Variants in ABI3BP observed in about 807,000 individuals in gnomAD.
ABI3BP encodes target of Nesh-SH3.
A neutral mutation model predicts 268.6 loss-of-function variants in ABI3BP; 216 were observed. That is an observed-to-expected ratio of 0.80 (90% CI 0.72 to 0.90). ABI3BP has a LOEUF of 0.90. ABI3BP is among the 40% of genes least tolerant of loss of function. ABI3BP has a pLI of 0.00. For missense variants in ABI3BP, 2,090 were observed against 2,182.4 expected, an observed-to-expected ratio of 0.96 and a Z score of 0.84; for synonymous variants, 730 against 730.0, an observed-to-expected ratio of 1.00 and a Z score of 0.00.
At position 100,749,198 on chromosome 3, in the gene ABI3BP, A is replaced by AATT. The variant is rs2095183824; in HGVS notation, c.*1294_*1296dup. The AATT allele has an allele frequency of 1.6e-5, 1 of 62,190 alleles. No individual in the cohort carries two copies. The highest frequency in any genetic ancestry group is 5.7e-5 in the African/African-American group (1 of 17,624). 3.9% of individuals were successfully genotyped at this position (62,190 alleles called of 1,614,324 possible). On this transcript the variant is annotated 3_prime_UTR_variant, in exon 68 of 68. Coordinates refer to ENST00000471714, the MANE Select transcript of ABI3BP (RefSeq NM_001375547.2). ...TTATTACTTCATAGGATGAAAGGTTAATTTAGGACATAAACAAACAGTAGA... is the reference window on the plus strand; with the variant it reads ...TTATTACTTCATAGGATGAAAGGTTAATTATTTAGGACATAAACAAACAGTAGA...
intron 14 of ABI3BP, among the ~76,000 whole-genome samples, chr3:100,857,326 CACCCCTTTATAT>C (rs2098951096): frequency 6.6e-6 from 1 of 152,178 alleles, no homozygotes; most frequent in Non-Finnish European, 1.5e-5. Context: ...GAAAACAAGG[CACCCCTTTATAT>C]ATTGTGCATT....
intron 1 of ABI3BP, among the ~76,000 whole-genome samples, chr3:100,965,344 A>C (rs963484644): frequency 1.3e-5 from 2 of 152,190 alleles, no homozygotes; most frequent in African/African-American, 2.4e-5. Flanking sequence ...ACCATTAAAC[A>C]TTCCAGTTTA....
chr3:100,954,090 C>T (rs16843057), intron 1 of ABI3BP, among the ~76,000 whole-genome samples: 9 of 152,010 alleles, frequency 5.9e-5, no homozygotes, highest in African/African-American at 1.7e-4. Flanking sequence ...ATTTCTGGTG[C>T]GCATCAGAAC....
rs371512723 is a variant in ABI3BP, at chr3:100,850,119, G to A, written c.1427C>T (p.Ala476Val). ...RTLEQPRATL[A>V]PSETPFVPQK... ...AGGAACAAATGGTGTTTCACTTGGAGCTGAAAGCACAAACACCCCAACCCA... is the reference window on the plus strand; with the variant it reads ...AGGAACAAATGGTGTTTCACTTGGAACTGAAAGCACAAACACCCCAACCCA... Residue 476 changes from alanine to valine, a missense_variant and splice_region_variant, in exon 17 of 68, where the codon GCT (alanine) becomes GTT (valine). Transcript: ENST00000471714. 3 of 1,605,174 alleles carry A rather than the reference G, an allele frequency of 1.9e-6. No homozygotes were observed. Among genetic ancestry groups the A allele is most frequent in the African/African-American group, 2.7e-5 (2 of 74,816 alleles).
At chr3:100,775,077 A>G in intron 60 of ABI3BP, 130 bp downstream of exon 60, 1 of 1,089,330 alleles carries the variant, frequency 9.2e-7, no homozygotes, top group East Asian at 2.6e-5. Context: ...AAAATTAAAA[A>G]CAACCATATT....
intron 20 of ABI3BP, among the ~76,000 whole-genome samples, chr3:100,845,685 G>A (rs1184253633): frequency 6.6e-6 from 1 of 152,072 alleles, no homozygotes; most frequent in Non-Finnish European, 1.5e-5. Flanking sequence ...AAGGTTCCCT[G>A]TAGTCAATCT....
Position 100,926,372 on chromosome 3 carries a change from A to C in ABI3BP, c.189T>G (p.Tyr63Ter). 6.2e-7 allele frequency: 1 copy of C among 1,613,564 alleles called. No homozygotes were observed. The highest frequency in any genetic ancestry group is 8.5e-7 in the Non-Finnish European group (1 of 1,179,636). The stretch of plus-strand genomic sequence containing the variant: ...ACTGGTTTGGTGATACATTGCTGCC[A>C]TATCCCAGGAGAAGACCTTCAAGCT... Reference protein sequence around the residue: ...NVKLEGLLLGYGSNVSPNQYF... With the variant: ...NVKLEGLLLG Residue 63 changes from tyrosine to a stop codon, truncating the protein, a stop_gained, in exon 2 of 68, where the codon TAT becomes TAG. Coordinates refer to ENST00000471714, the MANE Select transcript of ABI3BP (RefSeq NM_001375547.2). LOFTEE classifies it high-confidence loss of function.
intron 62 of ABI3BP, among the ~76,000 whole-genome samples, chr3:100,768,120 A>T (rs766482162): frequency 7.8e-6 from 1 of 128,802 alleles, no homozygotes; most frequent in African/African-American, 3.0e-5. Flanking sequence ...GGAGTCTCAC[A>T]CTCTGTCGCC....
At chr3:100,853,643 G>A (rs1267409190) in intron 14 of ABI3BP, among the ~76,000 whole-genome samples, 3 of 152,126 alleles carry the variant, frequency 2.0e-5, no homozygotes, top group Non-Finnish European at 4.4e-5. Context: ...AGTTCCAAAA[G>A]ATGATATTTA....
intron 62 of ABI3BP, among the ~76,000 whole-genome samples, chr3:100,767,691 A>T (rs1215745103): frequency 6.6e-6 from 1 of 152,108 alleles, no homozygotes; most frequent in African/African-American, 2.4e-5. Flanking sequence ...CATCCGTGGA[A>T]GGTTAATAAT....
chr3:100,863,828 A>C (rs1467600107), intron 12 of ABI3BP, 174 bp downstream of exon 12: 2 of 562,880 alleles, frequency 3.6e-6, no homozygotes, highest in East Asian at 5.6e-5. Flanking sequence ...AAAGAAAAAC[A>C]ACCCAACCAA....
chr3:100,837,412 T>C (rs186419590), intron 26 of ABI3BP: 372 of 406,202 alleles, frequency 9.2e-4, no homozygotes, highest in Admixed American at 1.6e-3. Context: ...AGAACTGTTA[T>C]ATAAATATCT....
intron 51 of ABI3BP, among the ~76,000 whole-genome samples, chr3:100,801,651 C>T (rs1189572067): frequency 6.6e-6 from 1 of 151,910 alleles, no homozygotes; most frequent in Non-Finnish European, 1.5e-5. Context: ...GAGAAGACAT[C>T]CATCTTGCCT....
rs1584272525 is a variant in ABI3BP at position 100,940,036 on chromosome 3, A to G, written c.80-13555T>C. On this transcript the variant is annotated intron_variant, in intron 1 of 67. Coordinates refer to ENST00000471714, the MANE Select transcript of ABI3BP (RefSeq NM_001375547.2). ...TTCCGCCCGGCTCACCGGTGGTCAG[A>G]GTTTAAGGTTATCTCTCTTATTCCC... Among the ~76,000 whole-genome samples, 3 of 152,144 alleles carry G rather than the reference A, an allele frequency of 2.0e-5. No homozygotes were observed. The East Asian group carries it at 5.8e-4, about 29-fold the overall frequency.
In ABI3BP at chr3:100,750,744, C is replaced by G. The variant is rs147897315; in HGVS notation, c.5246-134G>C. 3.9e-3 allele frequency: 2,443 copies of G among 625,642 alleles called. 49 individuals carry two copies. In the African/African-American group the frequency reaches 0.042, roughly 11 times the overall value. The allele number at this position is 625,642 out of a possible 1,614,324, so 38.8% of individuals were successfully genotyped here. On this transcript the variant is annotated intron_variant, in intron 67 of 67. Coordinates refer to ENST00000471714, the MANE Select transcript of ABI3BP (RefSeq NM_001375547.2). ...GCGAGGTAATTTAGAAAACTGAGAGCAAGAAGTTCTGGTGTTTTTTCCTGA... is the reference window on the plus strand; with the variant it reads ...GCGAGGTAATTTAGAAAACTGAGAGGAAGAAGTTCTGGTGTTTTTTCCTGA...
rs886182784 is a variant in ABI3BP at position 100,821,054 on chromosome 3, C to T, written c.2947G>A (p.Ala983Thr). ...AATGAGGATTGCAACGTGCTATTACCTTGTGTTGTCACCCAAGTCTCAGTT... is the reference window on the plus strand; with the variant it reads ...AATGAGGATTGCAACGTGCTATTACTTTGTGTTGTCACCCAAGTCTCAGTT... ...LRTETWVTTQ[A>T]PKTSQRTRRP... Residue 983 changes from alanine (A) to threonine (T), a missense_variant and splice_region_variant, in exon 39 of 68, where the codon GCT becomes ACT. Physicochemically the swap from Ala to Thr is moderately conservative, Grantham distance 58 (BLOSUM62 0). Coordinates refer to ENST00000471714, the MANE Select transcript of ABI3BP (RefSeq NM_001375547.2). The T allele has an allele frequency of 2.6e-6, 4 of 1,535,526 alleles. No individual in the cohort carries two copies. The South Asian group carries it at 4.8e-5, about 18-fold the overall frequency.
intron 1 of ABI3BP, among the ~76,000 whole-genome samples, chr3:100,985,141 CT>C (rs1172049956): frequency 0.016 from 1,294 of 79,866 alleles, 6 homozygotes; most frequent in African/African-American, 0.052. Flanking sequence ...CAGAAAAGCA[CT>C]TTTTTTTTTT....
chr3:100,749,414 G>A lies in ABI3BP; in HGVS notation c.*1081C>T. 1 of 382,002 alleles carries A rather than the reference G, an allele frequency of 2.6e-6. No homozygotes were observed. The highest frequency in any genetic ancestry group is 4.6e-6 in the Non-Finnish European group (1 of 215,596). 23.7% of individuals were successfully genotyped at this position (382,002 alleles called of 1,614,324 possible). On this transcript the variant is annotated 3_prime_UTR_variant, in exon 68 of 68. Coordinates refer to ENST00000471714, the MANE Select transcript of ABI3BP (RefSeq NM_001375547.2). The stretch of plus-strand genomic sequence containing the variant: ...AAAATGTAGCGTTGATAAGATTGAA[G>A]CATGTTGAAAGGTAAGTACAGGGAA...
intron 19 of ABI3BP, among the ~76,000 whole-genome samples, chr3:100,846,968 T>C (rs2098776827): frequency 6.6e-6 from 1 of 152,228 alleles, no homozygotes; most frequent in East Asian, 1.9e-4. Flanking sequence ...TTTTATCAGC[T>C]TTATAAACTA....
Sources: allele counts gnomAD v4.1 joint callset (sites outside exome capture counted in the v4.1 genomes callset), GRCh38; gene constraint gnomAD v4.1.1; transcripts MANE v1.5; gene names NCBI Gene and HGNC (gene_info 2026-07-23, HGNC 2026-07-21).